The following DARS1 variants were observed in gnomAD, a reference collection of about 807,000 sequenced individuals.
DARS1 encodes the protein aspartyl-tRNA synthetase 1, also known as aspartate--tRNA ligase, cytoplasmic.
A neutral mutation model predicts 68.8 loss-of-function variants in DARS1; 51 were observed. The ratio of observed to expected loss-of-function variants is 0.74; its 90% CI spans 0.59 to 0.94. The LOEUF is 0.94. Among genes scored for constraint, DARS1 ranks in the 40% least tolerant of loss-of-function variants. DARS1 has a pLI of 0.00. For missense variants in DARS1, 607 were observed against 597.3 expected (o/e 1.02, Z -0.17); for synonymous variants, 203 against 190.4 (o/e 1.07, Z -0.55).
At chr2:135,914,689 C>T (rs1680970482) in intron 11 of DARS1, 178 bp from the exon 12 acceptor site, 1 of 587,260 alleles carries the variant, frequency 1.7e-6, no homozygotes, top group Non-Finnish European at 3.1e-6. Flanking sequence ...TATGAGTATA[C>T]CTTGGTACAG....
chr2:135,943,719 G>C (rs1681657471), intron 4 of DARS1, among the ~76,000 whole-genome samples: 1 of 152,040 alleles, frequency 6.6e-6, no homozygotes, highest in Non-Finnish European at 1.5e-5. Flanking sequence ...AAAATACTCT[G>C]GACATAAAAG....
chr2:135,960,310 G>T (rs188317897), intron 4 of DARS1, among the ~76,000 whole-genome samples: 26 of 152,244 alleles, frequency 1.7e-4, no homozygotes, highest in Non-Finnish European at 3.4e-4. Flanking sequence ...CCGAGTGCAG[G>T]TATTACTATG....
At chr2:135,927,021 T>C (rs774390428) in intron 7 of DARS1, among the ~76,000 whole-genome samples, 5 of 152,222 alleles carry the variant, frequency 3.3e-5, no homozygotes, top group Admixed American at 6.5e-5. Context: ...GAAATGGTAA[T>C]GGTATTTTTT....
At chr2:135,964,748 G>C (rs975691163) in intron 3 of DARS1, among the ~76,000 whole-genome samples, 15 of 149,368 alleles carry the variant, frequency 1.0e-4, no homozygotes, top group African/African-American at 3.7e-4. Flanking sequence ...GGTTGAGGCA[G>C]GAGAATTGCT....
chr2:135,911,498 A>C lies in DARS1; in HGVS notation c.1231-5T>G. The C allele has an allele frequency of 1.1e-6, 1 of 895,032 alleles. No homozygotes were observed. Among genetic ancestry groups the C allele is most frequent in the Non-Finnish European group, 1.9e-6 (1 of 528,976 alleles). 55.4% of individuals were successfully genotyped at this position (895,032 alleles called of 1,614,324 possible). On this transcript the variant is annotated splice_polypyrimidine_tract_variant and splice_region_variant and intron_variant, in intron 13 of 15. Transcript: ENST00000264161. Reference sequence around the variant, plus strand: ...ATCGTAAGAGTTGGACTGTTTCTGCAAGAGAAAAAACACCAGTCCTCAAGT... The same window carrying C: ...ATCGTAAGAGTTGGACTGTTTCTGCCAGAGAAAAAACACCAGTCCTCAAGT...
intron 5 of DARS1, among the ~76,000 whole-genome samples, chr2:135,936,300 T>G (rs922051497): frequency 2.6e-5 from 4 of 152,248 alleles, no homozygotes; most frequent in African/African-American, 4.8e-5. Flanking sequence ...TAATATTTAT[T>G]AATGTTGCAT....
Position 135,907,838 on chromosome 2 carries a change from T to C in DARS1, c.1415-431A>G, listed in dbSNP as rs1680821287. Among the ~76,000 whole-genome samples, 4 of 152,218 alleles carry C rather than the reference T, an allele frequency of 2.6e-5. 1 individual carries two copies. The highest frequency in any genetic ancestry group is 4.1e-4 in the South Asian group (2 of 4,834). On this transcript the variant is annotated intron_variant, in intron 15 of 15. Coordinates refer to ENST00000264161, the MANE Select transcript of DARS1 (RefSeq NM_001349.4). ...ATGAGAAAATTTACTGTTAATTTTA[T>C]AGACATTTAACATGGTGGACCCTAC...
intron 8 of DARS1, among the ~76,000 whole-genome samples, 154 bp downstream of exon 8, chr2:135,924,233 T>C (rs965848202): frequency 1.3e-5 from 2 of 152,190 alleles, no homozygotes; most frequent in African/African-American, 4.8e-5. Flanking sequence ...TATATGATTG[T>C]TGCTATATAA....
intron 6 of DARS1, 67 bp downstream of exon 6, chr2:135,933,843 A>G: frequency 6.5e-7 from 1 of 1,538,154 alleles, no homozygotes; most frequent in South Asian, 1.2e-5. Context: ...TTAGTACATC[A>G]GGTTTTCAAT....
At chr2:135,962,511 A>G (rs1023242904) in intron 3 of DARS1, among the ~76,000 whole-genome samples, 4 of 152,232 alleles carry the variant, frequency 2.6e-5, no homozygotes, top group Non-Finnish European at 5.9e-5. Flanking sequence ...GAAAGCAAAA[A>G]TGCAAGCAGA....
Position 135,923,835 on chromosome 2 carries a change from T to A in DARS1, c.676+552A>T, listed in dbSNP as rs549307165. Among the ~76,000 whole-genome samples, 69 of 152,174 alleles carry A rather than the reference T, an allele frequency of 4.5e-4. 1 individual carries two copies. Among genetic ancestry groups the A allele is most frequent in the Admixed American group, 9.2e-4 (14 of 15,284 alleles). Reference sequence around the variant, plus strand: ...GAGTTCGAGACCAGCCTGACCAACATGGAGAAACCCTGTATCTACTAAACA... The same window carrying A: ...GAGTTCGAGACCAGCCTGACCAACAAGGAGAAACCCTGTATCTACTAAACA... On this transcript the variant is annotated intron_variant, in intron 8 of 15. Transcript: ENST00000264161.
chr2:135,942,955 A>T (rs901668121), intron 5 of DARS1, among the ~76,000 whole-genome samples: 1 of 152,174 alleles, frequency 6.6e-6, no homozygotes, highest in African/African-American at 2.4e-5. Flanking sequence ...TGACGAGTGG[A>T]ATATTTAGCA....
chr2:135,963,474 C>T (rs1269967884), intron 3 of DARS1, among the ~76,000 whole-genome samples: 1 of 151,384 alleles, frequency 6.6e-6, no homozygotes, highest in Non-Finnish European at 1.5e-5. Flanking sequence ...CGGGTTCAAG[C>T]GATTCTCCTG....
At chr2:135,977,787 A>G (rs1428663895) in intron 3 of DARS1, among the ~76,000 whole-genome samples, 1 of 152,228 alleles carries the variant, frequency 6.6e-6, no homozygotes, top group Non-Finnish European at 1.5e-5. Flanking sequence ...AAAGTGCTGG[A>G]ATTTTAAAAA....
intron 4 of DARS1, among the ~76,000 whole-genome samples, chr2:135,958,238 A>G (rs1170692399): frequency 6.6e-6 from 1 of 152,218 alleles, no homozygotes; most frequent in African/African-American, 2.4e-5. Context: ...TATCAAATGA[A>G]TTATCAAGTA....
intron 3 of DARS1, among the ~76,000 whole-genome samples, chr2:135,968,043 T>C (rs1422116327): frequency 6.6e-6 from 1 of 152,166 alleles, no homozygotes; most frequent in African/African-American, 2.4e-5. Context: ...GCAGATCACC[T>C]GAGGTCAGGA....
At chr2:135,931,427 G>A (rs1681346158) in intron 7 of DARS1, among the ~76,000 whole-genome samples, 1 of 152,022 alleles carries the variant, frequency 6.6e-6, no homozygotes, top group Non-Finnish European at 1.5e-5. Context: ...TAAGGAGACA[G>A]GGGTCTTGCC....
At chr2:135,923,868 T>C (rs1681157695) in intron 8 of DARS1, among the ~76,000 whole-genome samples, 1 of 151,946 alleles carries the variant, frequency 6.6e-6, no homozygotes, top group South Asian at 2.1e-4. Context: ...ACATACAAAA[T>C]TGGCTCGGCG....
intron 4 of DARS1, among the ~76,000 whole-genome samples, chr2:135,956,947 T>G (rs1020426381): frequency 6.6e-6 from 1 of 151,926 alleles, no homozygotes; most frequent in African/African-American, 2.4e-5. Context: ...TTATTTTTAG[T>G]AGAGACGGGG....
Sources: allele counts gnomAD v4.1 joint callset (sites outside exome capture counted in the v4.1 genomes callset), GRCh38; gene constraint gnomAD v4.1.1; transcripts MANE v1.5; gene names NCBI Gene and HGNC (gene_info 2026-07-23, HGNC 2026-07-21).